VIT: variants seen among roughly 807,000 people sequenced by gnomAD.
VIT encodes the protein vitrin.
VIT carries 99 observed loss-of-function variants against 78.0 expected under a neutral mutation model. The ratio of observed to expected loss-of-function variants is 1.27; its 90% CI spans 1.08 to 1.50. VIT has a LOEUF of 1.50. VIT is among the 40% of genes most tolerant of loss of function. The probability of loss-of-function intolerance (pLI) is 0.00; values close to 1 mark genes in which losing one functional copy is unlikely to be tolerated. For synonymous variants in VIT, 374 were observed against 334.3 expected (o/e 1.12, Z -1.29); for missense variants, 1,126 against 875.3 (o/e 1.29, Z -3.61).
rs532053975 is a variant in VIT, at chr2:36,806,265, A to C, written c.1389+601A>C. Among the ~76,000 whole-genome samples the C allele has an allele frequency of 3.3e-5, 5 of 152,260 alleles. No homozygotes were observed. The East Asian group carries it at 9.7e-4, about 29-fold the overall frequency. ...GAAAAGGCTCCAGCTTTAAAATAGA[A>C]AGCAAGCCTTGGACAGGTTTGTCTT... On this transcript the variant is annotated intron_variant, in intron 14 of 15. Coordinates refer to ENST00000379242, the MANE Select transcript of VIT (RefSeq NM_053276.4).
chr2:36,778,771 C>A (rs1265758731), intron 9 of VIT, among the ~76,000 whole-genome samples: 1 of 152,162 alleles, frequency 6.6e-6, no homozygotes, highest in African/African-American at 2.4e-5. Flanking sequence ...AGAAGCAGCT[C>A]TCCAGGGAAA....
intron 3 of VIT, among the ~76,000 whole-genome samples, chr2:36,730,730 G>A (rs941307278): frequency 6.6e-6 from 1 of 152,210 alleles, no homozygotes; most frequent in Non-Finnish European, 1.5e-5. Flanking sequence ...ACATTGAAGG[G>A]TGAGGAGGGC....
chr2:36,811,108 C>G (rs1180023791), intron 15 of VIT, among the ~76,000 whole-genome samples: 9 of 152,126 alleles, frequency 5.9e-5, no homozygotes, highest in Admixed American at 4.6e-4. Context: ...CTTTATGGAG[C>G]CTGTAGGGCA....
chr2:36,788,969 A>G (rs912030564), intron 12 of VIT, among the ~76,000 whole-genome samples: 14 of 152,162 alleles, frequency 9.2e-5, no homozygotes, highest in African/African-American at 2.9e-4. Context: ...TTTTCCCCAC[A>G]TACTCCCAAT....
intron 12 of VIT, among the ~76,000 whole-genome samples, chr2:36,798,506 C>T (rs1666072069): frequency 6.6e-6 from 1 of 152,206 alleles, no homozygotes; most frequent in Admixed American, 6.5e-5. Context: ...CCTGTAATCC[C>T]AGCACTTTGG....
chr2:36,697,762 C>T (rs1395344094), intron 1 of VIT, among the ~76,000 whole-genome samples: 5 of 152,200 alleles, frequency 3.3e-5, no homozygotes, highest in Non-Finnish European at 7.3e-5. Flanking sequence ...GCATCTTTGC[C>T]ATTCCTAAAT....
intron 15 of VIT, among the ~76,000 whole-genome samples, chr2:36,813,694 T>A (rs189004891): frequency 2.0e-4 from 31 of 152,282 alleles, no homozygotes; most frequent in Non-Finnish European, 4.1e-4. Flanking sequence ...TTCCACTGTT[T>A]TAGTTTAAAA....
Position 36,743,242 on chromosome 2 carries a change from C to A in VIT, c.261C>A (p.Gly87=). ...DVYASYSSVC[G]AAVHSGVLDN... is the part of the protein sequence containing the mutation. ...ATGCATCCTACTCCAGTGTGTGTGGCGCTGCCGTACACAGGTGAGTGGTTC... is the reference window on the plus strand; with the variant it reads ...ATGCATCCTACTCCAGTGTGTGTGGAGCTGCCGTACACAGGTGAGTGGTTC... Residue 87 remains glycine, a synonymous_variant, in exon 4 of 16, where the codon GGC becomes GGA. Transcript: ENST00000379242. The A allele has an allele frequency of 1.2e-6, 2 of 1,613,836 alleles. No individual in the cohort carries two copies. The highest frequency in any genetic ancestry group is 2.2e-5 in the East Asian group (1 of 44,878).
chr2:36,773,268 A>G (rs1669861220), intron 7 of VIT, among the ~76,000 whole-genome samples: 2 of 152,196 alleles, frequency 1.3e-5, no homozygotes, highest in Admixed American at 6.5e-5. Context: ...GTTGTGAAAT[A>G]CAAAGGTTAT....
chr2:36,810,382 G>A (rs182419483), intron 15 of VIT, among the ~76,000 whole-genome samples: 45 of 152,324 alleles, frequency 3.0e-4, no homozygotes, highest in African/African-American at 9.6e-4. Context: ...AGCAAAATAT[G>A]TCTGTAAATG....
intron 3 of VIT, among the ~76,000 whole-genome samples, chr2:36,742,648 C>T (rs1448756287): frequency 1.3e-5 from 2 of 152,186 alleles, no homozygotes; most frequent in African/African-American, 4.8e-5. Context: ...TACCCACAAG[C>T]CAACCTTGTC....
chr2:36,770,399 A>AACGTGTGTTG (rs1669676106), intron 7 of VIT, among the ~76,000 whole-genome samples: 1 of 152,240 alleles, frequency 6.6e-6, no homozygotes, highest in Non-Finnish European at 1.5e-5. Flanking sequence ...CGGAAAGTAC[A>AACGTGTGTTG]TAGCAGGAAG....
Position 36,787,125 on chromosome 2 carries a change from G to C in VIT, c.911-4G>C. On this transcript the variant is annotated splice_region_variant and splice_polypyrimidine_tract_variant and intron_variant, in intron 11 of 15. Transcript: ENST00000379242. ...GAATAATAGAGTCTTTTTCCGTTCC[G>C]CAGACTGCAAAATTGACTTGTCGTT... 6.2e-7 allele frequency: 1 copy of C among 1,613,956 alleles called. No individual in the cohort carries two copies. The highest frequency in any genetic ancestry group is 8.5e-7 in the Non-Finnish European group (1 of 1,179,986).
intron 3 of VIT, among the ~76,000 whole-genome samples, chr2:36,740,772 GA>G (rs1197806146): frequency 1.3e-5 from 2 of 152,192 alleles, no homozygotes; most frequent in Non-Finnish European, 2.9e-5. Context: ...AGAAAGGAGG[GA>G]AAATTGATTA....
At chr2:36,805,394 A>C (rs1457753783) in intron 13 of VIT, 44 bp from the exon 14 acceptor site, 4 of 1,533,816 alleles carry the variant, frequency 2.6e-6, no homozygotes, top group Non-Finnish European at 3.5e-6. Context: ...CTGTATTTAT[A>C]ATCAGCGTGA....
intron 10 of VIT, 91 bp downstream of exon 10, chr2:36,781,862 G>A: frequency 6.6e-7 from 1 of 1,504,856 alleles, no homozygotes; most frequent in Admixed American, 1.7e-5. Flanking sequence ...TGGCATAGCG[G>A]CCGAGCTCCA....
intron 4 of VIT, among the ~76,000 whole-genome samples, chr2:36,746,734 T>A (rs1316786819): frequency 1.3e-5 from 2 of 152,148 alleles, no homozygotes; most frequent in Admixed American, 1.3e-4. Flanking sequence ...ATCTTGTTTA[T>A]CCTTTCAAAA....
At chr2:36,725,927 C>G (rs1256509408) in intron 2 of VIT, among the ~76,000 whole-genome samples, 1 of 152,040 alleles carries the variant, frequency 6.6e-6, no homozygotes, top group East Asian at 1.9e-4. Flanking sequence ...AAAAATTAGC[C>G]AGGCATGTTG....
intron 7 of VIT, among the ~76,000 whole-genome samples, chr2:36,770,717 A>G (rs1669694970): frequency 6.6e-6 from 1 of 152,236 alleles, no homozygotes; most frequent in Admixed American, 6.5e-5. Flanking sequence ...AAATCCCTCC[A>G]GGTTCAGCTA....
Sources: gnomAD v4.1 joint callset for allele counts (sites outside exome capture counted in the v4.1 genomes callset) on GRCh38, gnomAD v4.1.1 for gene constraint, MANE v1.5 for transcripts, NCBI Gene and HGNC (gene_info 2026-07-23, HGNC 2026-07-21) for gene names.